DMD: variants seen among roughly 807,000 people sequenced by gnomAD.
The protein encoded by DMD is mutant dystrophin.
In DMD, 63 loss-of-function variants were observed where a neutral mutation model predicts 330.1. The observed-to-expected ratio is 0.19, with a 90% CI of 0.16 to 0.24. The LOEUF (loss-of-function observed/expected upper bound fraction) is 0.24. Ranked by LOEUF, DMD falls within the 10% of genes least tolerant of loss-of-function variation. The pLI is 1.00. For synonymous variants in DMD, 1,223 were observed against 959.8 expected (o/e 1.27, Z -5.07); for missense variants, 3,344 against 2,684.1 (o/e 1.25, Z -5.43).
intron 51 of DMD, among the ~76,000 whole-genome samples, chrX:31,734,214 T>TTA (rs201586876): frequency 3.7e-5 from 4 of 108,126 alleles, no homozygotes; most frequent in Admixed American, 2.0e-4. Flanking sequence ...ATGTAATGTT[T>TTA]TATATATATA....
rs1569553667 is a variant in DMD, at chrX:32,252,765, T to TATATATAAATATATATAA, written c.6290+34746_6290+34763dup. Among the ~76,000 whole-genome samples, 126 of 38,813 alleles carry TATATATAAATATATATAA rather than the reference T, an allele frequency of 3.2e-3. 9 individuals carry two copies. Among genetic ancestry groups the TATATATAAATATATATAA allele is most frequent in the African/African-American group, 0.023 (121 of 5,363 alleles). 33.7% of individuals were successfully genotyped at this position (38,813 alleles called of 115,157 possible). A position where few individuals can be genotyped will look rare whatever the true frequency, so the allele number is the denominator to read the frequency against. Reference sequence around the variant, plus strand: ...ATATAAATATATATAAATATATAAATATATATAAATATATATAAATATATA... The same window carrying TATATATAAATATATATAA: ...ATATAAATATATATAAATATATAAATATATATAAATATATATAAATATATAAATATATATAAATATATA... On this transcript the variant is annotated intron_variant, in intron 43 of 78. Coordinates refer to ENST00000357033, the MANE Select transcript of DMD (RefSeq NM_004006.3).
At chrX:33,006,930 C>G (rs1030288932) in intron 2 of DMD, among the ~76,000 whole-genome samples, 1 of 110,739 alleles carries the variant, frequency 9.0e-6, no homozygotes, top group African/African-American at 3.3e-5. Flanking sequence ...TCTCCACTCT[C>G]TCAATCTCCA....
chrX:33,157,618 C>T (rs1405645994), intron 1 of DMD, among the ~76,000 whole-genome samples: 1 of 112,185 alleles, frequency 8.9e-6, no homozygotes, highest in African/African-American at 3.2e-5. Context: ...ACTTAGCAGA[C>T]AAACAAATAT....
chrX:32,482,622 C>T (rs758192068), intron 21 of DMD, among the ~76,000 whole-genome samples: 8 of 111,393 alleles, frequency 7.2e-5, no homozygotes, highest in African/African-American at 1.3e-4. Context: ...TTCGTGTATA[C>T]GATCTAGTTC....
chrX:32,322,917 C>T (rs1156480413), intron 41 of DMD, among the ~76,000 whole-genome samples: 1 of 111,940 alleles, frequency 8.9e-6, no homozygotes, highest in Non-Finnish European at 1.9e-5. Context: ...TTCGAAAATG[C>T]AAGGTTTACA....
chrX:32,398,627 T>C (rs1041733687), intron 30 of DMD, among the ~76,000 whole-genome samples: 5 of 111,669 alleles, frequency 4.5e-5, no homozygotes, highest in East Asian at 2.8e-4. Context: ...ACTTGTAATA[T>C]ACCTGAGAAA....
intron 34 of DMD, among the ~76,000 whole-genome samples, chrX:32,366,488 T>A (rs989666204): frequency 8.9e-6 from 1 of 112,163 alleles, no homozygotes; most frequent in Non-Finnish European, 1.9e-5. Flanking sequence ...GAAACAGCAA[T>A]AACAGGAAAG....
At chrX:32,276,992 G>A (rs756164663) in intron 43 of DMD, among the ~76,000 whole-genome samples, 1 of 111,223 alleles carries the variant, frequency 9.0e-6, no homozygotes, top group African/African-American at 3.3e-5. Flanking sequence ...TAGATACAGT[G>A]TCTGAATGGA....
chrX:32,989,543 C>A (rs1330048626), intron 2 of DMD, among the ~76,000 whole-genome samples: 1 of 111,728 alleles, frequency 9.0e-6, no homozygotes, highest in Non-Finnish European at 1.9e-5. Context: ...TTGACCTTCA[C>A]ACGAAAAGAA....
intron 52 of DMD, among the ~76,000 whole-genome samples, chrX:31,700,138 A>G (rs2083714725): frequency 9.2e-6 from 1 of 108,788 alleles, no homozygotes; most frequent in African/African-American, 3.4e-5. Flanking sequence ...GTGAGCCGAG[A>G]TTGCGCCACT....
chrX:32,745,273 T>C (rs191374162), intron 7 of DMD, among the ~76,000 whole-genome samples: 3 of 112,428 alleles, frequency 2.7e-5, no homozygotes, highest in Non-Finnish European at 5.6e-5. Context: ...ACAAATGCTC[T>C]ATAAAACTAT....
At chrX:32,957,209 T>A (rs1284095190) in intron 2 of DMD, among the ~76,000 whole-genome samples, 3 of 111,614 alleles carry the variant, frequency 2.7e-5, no homozygotes, top group Non-Finnish European at 5.7e-5. Flanking sequence ...ATCTCTATCA[T>A]AATGTTAAAG....
At chrX:31,894,974 A>C (rs936956813) in intron 47 of DMD, among the ~76,000 whole-genome samples, 1 of 112,147 alleles carries the variant, frequency 8.9e-6, no homozygotes, top group Admixed American at 9.5e-5. Flanking sequence ...TTAGTTGGTT[A>C]CTGGTTAAAA....
At chrX:32,242,602 T>A (rs1313701518) in intron 43 of DMD, among the ~76,000 whole-genome samples, 1 of 111,564 alleles carries the variant, frequency 9.0e-6, no homozygotes. Flanking sequence ...TGTAACTTAT[T>A]TTATTTGTTA....
intron 50 of DMD, among the ~76,000 whole-genome samples, chrX:31,783,389 C>T: frequency 9.0e-6 from 1 of 111,161 alleles, no homozygotes; most frequent in Non-Finnish European, 1.9e-5. Flanking sequence ...TACGTTTTCA[C>T]CTTAAGCAGA....
At chrX:32,269,543 A>T (rs2097357750) in intron 43 of DMD, among the ~76,000 whole-genome samples, 1 of 111,126 alleles carries the variant, frequency 9.0e-6, no homozygotes, top group African/African-American at 3.3e-5. Context: ...GTTGCTGAAG[A>T]CCCGTATGGA....
intron 2 of DMD, among the ~76,000 whole-genome samples, chrX:33,009,945 C>CGT (rs1557207560): frequency 4.6e-4 from 22 of 48,004 alleles, no homozygotes; most frequent in East Asian, 3.9e-3. Flanking sequence ...TGTATATACA[C>CGT]GTGTGTATGT....
At chrX:32,960,332 C>A (rs968651065) in intron 2 of DMD, 1 of 111,279 alleles carries the variant, frequency 9.0e-6, no homozygotes, top group Non-Finnish European at 1.9e-5. Context: ...AGGCCATAAC[C>A]TTGGCCTGCA....
intron 4 of DMD, among the ~76,000 whole-genome samples, chrX:32,833,347 A>G: frequency 9.0e-6 from 1 of 110,946 alleles, no homozygotes; most frequent in Non-Finnish European, 1.9e-5. Context: ...CATGAAAGAC[A>G]TTAAAACAAA....
Sources: gnomAD v4.1 joint callset for allele counts (sites outside exome capture counted in the v4.1 genomes callset) on GRCh38, gnomAD v4.1.1 for gene constraint, MANE v1.5 for transcripts, NCBI Gene and HGNC (gene_info 2026-07-23, HGNC 2026-07-21) for gene names.